Variants in EHBP1 observed in about 807,000 individuals in gnomAD.
EHBP1 encodes EH domain-binding protein 1.
Under a neutral mutation model 144.0 loss-of-function variants are expected in EHBP1, and 55 were observed. That is an observed-to-expected ratio of 0.38 (90% confidence interval 0.31 to 0.48). The LOEUF is 0.48. Ranked by LOEUF, EHBP1 falls within the 20% of genes least tolerant of loss-of-function variation. The probability of loss-of-function intolerance (pLI) is 0.98; values close to 1 mark genes in which losing one functional copy is unlikely to be tolerated. For missense variants in EHBP1, 1,200 were observed against 1,364.2 expected (o/e 0.88, Z 1.90); for synonymous variants, 469 against 472.7 (o/e 0.99, Z 0.10).
intron 19 of EHBP1, among the ~76,000 whole-genome samples, chr2:63,018,249 A>G (rs2060565958): frequency 6.6e-6 from 1 of 152,214 alleles, no homozygotes; most frequent in Non-Finnish European, 1.5e-5. Flanking sequence ...AATTTTAAAA[A>G]CTGGTAATTT....
chr2:62,982,850 C>A (rs1387457874), intron 15 of EHBP1, among the ~76,000 whole-genome samples: 2 of 152,172 alleles, frequency 1.3e-5, no homozygotes, highest in Non-Finnish European at 2.9e-5. Context: ...AGGAAACTTA[C>A]TAAATTTGAG....
Position 62,993,546 on chromosome 2 carries a change from T to C in EHBP1, c.2750T>C (p.Leu917Pro), listed in dbSNP as rs1277122410. The stretch of plus-strand genomic sequence containing the variant: ...TACGTTTAGAGTGGCACAGAAGATC[T>C]CCGGACTGAACGATTACAAAAAACA... ...EQDMKSGTED[L>P]RTERLQKTTE... The change falls in exon 17 of 23, where the codon CTC becomes CCC. Residue 917 changes from leucine (L) to proline (P), a missense_variant. Leu to Pro is a moderately conservative substitution (Grantham distance 98). Around this residue, in one of 6 missense-constraint regions of EHBP1, gnomAD observed 543 missense variants for 513.1 expected, o/e 1.06. Transcript: ENST00000431489. 2 of 1,595,064 alleles carry C rather than the reference T, an allele frequency of 1.3e-6. No individual in the cohort carries two copies. The highest frequency in any genetic ancestry group is 2.3e-5 in the South Asian group (2 of 88,030).
intron 19 of EHBP1, among the ~76,000 whole-genome samples, chr2:63,012,139 T>A (rs2060291865): frequency 6.6e-6 from 1 of 151,992 alleles, no homozygotes; most frequent in Admixed American, 6.6e-5. Flanking sequence ...GAAATAAAAG[T>A]TGCATCATTT....
chr2:63,010,776 A>G (rs2060230018), intron 19 of EHBP1, among the ~76,000 whole-genome samples: 1 of 151,780 alleles, frequency 6.6e-6, no homozygotes, highest in Admixed American at 6.6e-5. Flanking sequence ...GTCTTGTACC[A>G]TGAACATTAT....
intron 10 of EHBP1, among the ~76,000 whole-genome samples, chr2:62,907,255 C>G (rs2053876641): frequency 6.6e-6 from 1 of 152,180 alleles, no homozygotes; most frequent in South Asian, 2.1e-4. Context: ...TTCCCACCAG[C>G]AATTTATGAT....
chr2:62,742,800 T>C (rs2038838125), intron 2 of EHBP1, among the ~76,000 whole-genome samples: 1 of 152,156 alleles, frequency 6.6e-6, no homozygotes, highest in African/African-American at 2.4e-5. Context: ...GAGGGCTTTG[T>C]GATTTCTCTG....
chr2:62,826,379 T>C, intron 6 of EHBP1, 111 bp downstream of exon 6: 2 of 1,028,404 alleles, frequency 1.9e-6, no homozygotes, highest in Non-Finnish European at 2.7e-6. Flanking sequence ...CAATCATTTT[T>C]GCCATTCTTT....
At chr2:62,859,420 G>A in intron 8 of EHBP1, 129 bp downstream of exon 8, 2 of 851,286 alleles carry the variant, frequency 2.3e-6, no homozygotes, top group Non-Finnish European at 3.3e-6. Context: ...TTATTATTGT[G>A]TTCAATACCA....
chr2:62,846,058 T>C (rs867956565), intron 7 of EHBP1, among the ~76,000 whole-genome samples: 1 of 152,214 alleles, frequency 6.6e-6, no homozygotes, highest in Non-Finnish European at 1.5e-5. Context: ...AACTCAAATA[T>C]GTCAACTCAG....
chr2:62,790,990 T>C (rs1256457109), intron 5 of EHBP1, among the ~76,000 whole-genome samples: 1 of 152,094 alleles, frequency 6.6e-6, no homozygotes, highest in African/African-American at 2.4e-5. Context: ...TGTGGGTTTC[T>C]GGATTAAAAT....
intron 9 of EHBP1, among the ~76,000 whole-genome samples, chr2:62,868,829 CT>C (rs924972287): frequency 3.3e-5 from 5 of 152,026 alleles, no homozygotes; most frequent in Non-Finnish European, 5.9e-5. Context: ...TAGTGCACAC[CT>C]GTGGTCCCAG....
intron 3 of EHBP1, among the ~76,000 whole-genome samples, chr2:62,753,437 TTTTCCTTTA>T (rs943590733): frequency 1.3e-5 from 2 of 152,166 alleles, no homozygotes; most frequent in Admixed American, 1.3e-4. Context: ...CCTTAACATT[TTTTCCTTTA>T]TTTCAACTTT....
At chr2:62,807,823 A>G (rs534051890) in intron 5 of EHBP1, among the ~76,000 whole-genome samples, 180 of 152,292 alleles carry the variant, frequency 1.2e-3, no homozygotes, top group Middle Eastern at 0.01. Flanking sequence ...TCAAAACTTT[A>G]AAATATTTCA....
intron 10 of EHBP1, among the ~76,000 whole-genome samples, chr2:62,941,773 A>C (rs945671463): frequency 3.9e-5 from 6 of 152,112 alleles, no homozygotes; most frequent in Admixed American, 2.0e-4. Context: ...GTTTCTTATA[A>C]TAGCTAGCAC....
In EHBP1 at chr2:62,765,711, G is replaced by C. The variant is rs1192447255; in HGVS notation, c.258+1350G>C. On this transcript the variant is annotated intron_variant, in intron 4 of 22. Coordinates refer to ENST00000431489, the MANE Select transcript of EHBP1 (RefSeq NM_001142616.3). ...AAGAACTGGGACATGGTGTTGCTCAGTAAATATTTTATATTATTATTTTGA... is the reference window on the plus strand; with the variant it reads ...AAGAACTGGGACATGGTGTTGCTCACTAAATATTTTATATTATTATTTTGA... Among the ~76,000 whole-genome samples, 5 of 152,248 alleles carry C rather than the reference G, an allele frequency of 3.3e-5. No homozygotes were observed. In the East Asian group the frequency reaches 5.8e-4, roughly 18 times the overall value.
At chr2:63,040,142 TTA>T (rs1020975344) in intron 21 of EHBP1, among the ~76,000 whole-genome samples, 3 of 150,140 alleles carry the variant, frequency 2.0e-5, no homozygotes, top group South Asian at 2.1e-4. Flanking sequence ...ACTATTTATA[TTA>T]TATATATATG....
intron 10 of EHBP1, among the ~76,000 whole-genome samples, chr2:62,911,702 T>C (rs1004062209): frequency 1.4e-4 from 22 of 152,212 alleles, no homozygotes; most frequent in African/African-American, 5.3e-4. Context: ...CTTCAGGTGA[T>C]CTGCCCACCT....
intron 14 of EHBP1, among the ~76,000 whole-genome samples, chr2:62,962,231 C>A (rs1431552860): frequency 6.6e-6 from 1 of 152,160 alleles, no homozygotes; most frequent in Non-Finnish European, 1.5e-5. Flanking sequence ...GAGGCTGAGG[C>A]ACAGGAATCG....
chr2:63,032,366 A>G lies in EHBP1; in HGVS notation c.3104-5169A>G, dbSNP rs1251333079. On this transcript the variant is annotated intron_variant, in intron 19 of 22. Coordinates refer to ENST00000431489, the MANE Select transcript of EHBP1 (RefSeq NM_001142616.3). ...GGTGGATCATGAGGTCAGGAAATCA[A>G]GACCATCCTGGCTAACACGGTGAAA... is the stretch of plus-strand genomic sequence containing the variant. 5.3e-5 allele frequency among the ~76,000 whole-genome samples: 8 copies of G among 151,950 alleles called. No homozygotes were observed. The East Asian group carries it at 1.5e-3, about 29-fold the overall frequency.
Sources: allele counts gnomAD v4.1 joint callset (sites outside exome capture counted in the v4.1 genomes callset), GRCh38; gene constraint gnomAD v4.1.1; regional missense constraint gnomAD v4.1.1; transcripts MANE v1.5; gene names NCBI Gene and HGNC (gene_info 2026-07-23, HGNC 2026-07-21).